ATF3: variants seen among roughly 807,000 people sequenced by gnomAD.
The protein encoded by ATF3 is activating transcription factor 3.
Under a neutral mutation model 18.4 loss-of-function variants are expected in ATF3, and 10 were observed. The ratio of observed to expected loss-of-function variants is 0.54; its 90% CI spans 0.34 to 0.92. The LOEUF (loss-of-function observed/expected upper bound fraction) is 0.92, where lower values mean the gene tolerates loss of function less well. Among genes scored for constraint, ATF3 ranks in the 40% least tolerant of loss-of-function variants. The probability of loss-of-function intolerance (pLI) is 0.02; values close to 1 mark genes in which losing one functional copy is unlikely to be tolerated. For missense variants in ATF3, 183 were observed against 222.3 expected (o/e 0.82, Z 1.12); for synonymous variants, 78 against 87.9 (o/e 0.89, Z 0.63).
At chr1:212,612,005 AC>A (rs1377503056) in intron 1 of ATF3, among the ~76,000 whole-genome samples, 1 of 152,214 alleles carries the variant, frequency 6.6e-6, no homozygotes, top group Non-Finnish European at 1.5e-5. Flanking sequence ...TGAAGATTTA[AC>A]TTCATTTCCT....
intron 1 of ATF3, among the ~76,000 whole-genome samples, chr1:212,600,732 G>C (rs528512828): frequency 3.9e-5 from 6 of 152,224 alleles, no homozygotes; most frequent in Non-Finnish European, 8.8e-5. Flanking sequence ...GCATCAGGCT[G>C]TAACTATTTG....
chr1:212,615,224 G>T lies in ATF3; in HGVS notation c.203G>T (p.Ser68Ile). The T allele has an allele frequency of 6.2e-7, 1 of 1,614,170 alleles. No individual in the cohort carries two copies. Among genetic ancestry groups the T allele is most frequent in the Admixed American group, 1.7e-5 (1 of 60,022 alleles). The change falls in exon 2 of 4, where the codon AGC becomes ATC. Residue 68 changes from serine to isoleucine, a missense_variant. By Grantham distance (142) the Ser-to-Ile change is moderately radical. Coordinates refer to ENST00000341491, the MANE Select transcript of ATF3 (RefSeq NM_001674.4). ...MSSALESVTVSDRPLGVSITK... is the reference protein window; with the variant it reads ...MSSALESVTVIDRPLGVSITK... ...TCTGCGCTGGAATCAGTCACTGTCA[G>T]CGACAGACCCCTCGGGGTGTCCATC...
chr1:212,568,399 T>C (rs1019150845), intron 1 of ATF3, among the ~76,000 whole-genome samples: 1 of 152,204 alleles, frequency 6.6e-6, no homozygotes, highest in Non-Finnish European at 1.5e-5. Flanking sequence ...ATCCTTTGCA[T>C]GCTCCACATT....
chr1:212,573,437 T>C, intron 1 of ATF3, among the ~76,000 whole-genome samples: 1 of 152,050 alleles, frequency 6.6e-6, no homozygotes, highest in East Asian at 1.9e-4. Flanking sequence ...ACATAAAATC[T>C]TTTTATTTTA....
intron 1 of ATF3, among the ~76,000 whole-genome samples, chr1:212,581,974 T>A (rs1269042606): frequency 6.6e-6 from 1 of 152,244 alleles, no homozygotes; most frequent in Admixed American, 6.5e-5. Context: ...CACATTGGTT[T>A]CTGAGTAAAA....
At chr1:212,607,073 T>C (rs1158248935), upstream of ATF3, among the ~76,000 whole-genome samples, 3 of 152,148 alleles carry the variant, frequency 2.0e-5, no homozygotes, top group Non-Finnish European at 2.9e-5. Context: ...GGCTCCCGGG[T>C]CCGCCGGGGC....
upstream of ATF3, among the ~76,000 whole-genome samples, chr1:212,604,327 G>A (rs1571778410): frequency 6.6e-6 from 1 of 152,108 alleles, no homozygotes; most frequent in Non-Finnish European, 1.5e-5. Context: ...TGGATTCTGG[G>A]GTCTCTGGAT....
intron 1 of ATF3, among the ~76,000 whole-genome samples, chr1:212,567,943 C>T (rs1464558146): frequency 6.6e-6 from 1 of 152,220 alleles, no homozygotes; most frequent in Non-Finnish European, 1.5e-5. Flanking sequence ...GCCTCAATTT[C>T]CTCATCTCAT....
intron 1 of ATF3, among the ~76,000 whole-genome samples, chr1:212,599,919 T>C (rs1654434435): frequency 6.6e-6 from 1 of 152,212 alleles, no homozygotes; most frequent in African/African-American, 2.4e-5. Context: ...ACTGATCAGA[T>C]GCCTGCTTAG....
chr1:212,569,986 T>C (rs893128549), intron 1 of ATF3, among the ~76,000 whole-genome samples: 1 of 152,194 alleles, frequency 6.6e-6, no homozygotes, highest in Non-Finnish European at 1.5e-5. Context: ...CACAAAGAAA[T>C]TTTCCACATG....
intron 1 of ATF3, among the ~76,000 whole-genome samples, chr1:212,594,247 A>G (rs1558231846): frequency 6.6e-6 from 1 of 152,218 alleles, no homozygotes; most frequent in Non-Finnish European, 1.5e-5. Flanking sequence ...GACACATTCC[A>G]GGTAGTCTAC....
intron 1 of ATF3, among the ~76,000 whole-genome samples, chr1:212,590,972 C>A (rs544690516): frequency 6.6e-6 from 1 of 152,210 alleles, no homozygotes; most frequent in African/African-American, 2.4e-5. Context: ...AAGAACATGG[C>A]TCTTGGTAGC....
intron 1 of ATF3, among the ~76,000 whole-genome samples, chr1:212,590,236 G>A (rs151293796): frequency 3.3e-5 from 5 of 150,822 alleles, no homozygotes; most frequent in African/African-American, 4.9e-5. Flanking sequence ...TGTAAGGCAC[G>A]TAAGTTTAAG....
chr1:212,592,881 C>G (rs1250673531), intron 1 of ATF3, among the ~76,000 whole-genome samples: 1 of 152,078 alleles, frequency 6.6e-6, no homozygotes, highest in African/African-American at 2.4e-5. Context: ...GTAAGAGTGG[C>G]AATTCCTCAG....
chr1:212,610,140 C>T (rs985114937), intron 1 of ATF3, among the ~76,000 whole-genome samples: 2 of 152,122 alleles, frequency 1.3e-5, no homozygotes, highest in African/African-American at 4.8e-5. Flanking sequence ...CTTCTCTGCT[C>T]CCCCCACTCC....
At chr1:212,566,307 T>C (rs968051933) in intron 1 of ATF3, among the ~76,000 whole-genome samples, 3 of 151,612 alleles carry the variant, frequency 2.0e-5, no homozygotes, top group Non-Finnish European at 4.4e-5. Context: ...TGTGGTTCTG[T>C]TGTTGGCACA....
At chr1:212,571,798 G>A (rs980511791) in intron 1 of ATF3, among the ~76,000 whole-genome samples, 4 of 150,058 alleles carry the variant, frequency 2.7e-5, no homozygotes, top group South Asian at 2.1e-4. Context: ...TGCAAGCTCC[G>A]CCTCCCGGGT....
chr1:212,590,012 T>C (rs12120031), intron 1 of ATF3, among the ~76,000 whole-genome samples: 22,373 of 151,982 alleles, frequency 0.15, 1,912 homozygotes, highest in East Asian at 0.19. Context: ...TTTTCTCAAG[T>C]TAGTTATAGG....
chr1:212,569,137 C>T (rs1013516656), intron 1 of ATF3, among the ~76,000 whole-genome samples: 1 of 152,154 alleles, frequency 6.6e-6, no homozygotes, highest in African/African-American at 2.4e-5. Flanking sequence ...TTCTTCTACT[C>T]TTTCTTCCTT....
Sources: allele counts gnomAD v4.1 joint callset (sites outside exome capture counted in the v4.1 genomes callset), GRCh38; gene constraint gnomAD v4.1.1; transcripts MANE v1.5; gene names NCBI Gene and HGNC (gene_info 2026-07-23, HGNC 2026-07-21).